Variants in MTMR8 observed in about 807,000 individuals in gnomAD.
MTMR8 encodes the protein myotubularin related protein 8.
In MTMR8, 65 loss-of-function variants were observed where a neutral mutation model predicts 39.3. The observed-to-expected ratio is 1.65, with a 90% CI of 1.35 to 2.03. MTMR8 has a LOEUF of 2.03. MTMR8 is among the 30% of genes most tolerant of loss of function. MTMR8 has a pLI of 0.00. For synonymous variants in MTMR8, 245 were observed against 185.2 expected, an observed-to-expected ratio of 1.32 and a Z score of -2.62; for missense variants, 777 against 538.9, an observed-to-expected ratio of 1.44 and a Z score of -4.37.
At chrX:64,392,590 G>T (rs186431563) in intron 1 of MTMR8, among the ~76,000 whole-genome samples, 13 of 111,125 alleles carry the variant, frequency 1.2e-4, no homozygotes, top group Admixed American at 1.9e-4. Context: ...TTTTTTGTTT[G>T]TTTGTTTGTT....
intron 1 of MTMR8, among the ~76,000 whole-genome samples, chrX:64,377,081 A>G (rs1924291994): frequency 8.9e-6 from 1 of 112,605 alleles, no homozygotes; most frequent in Admixed American, 9.3e-5. Context: ...GTTGAGGCCT[A>G]GGAGCCTCCA....
intron 12 of MTMR8, among the ~76,000 whole-genome samples, chrX:64,284,364 T>A (rs1352101031): frequency 8.9e-6 from 1 of 112,049 alleles, no homozygotes; most frequent in Admixed American, 9.5e-5. Context: ...TACCTGACAG[T>A]GACAGGGAGA....
chrX:64,359,922 G>GAA (rs202232811), intron 1 of MTMR8, among the ~76,000 whole-genome samples: 1,638 of 43,034 alleles, frequency 0.038, 54 homozygotes, highest in African/African-American at 0.086. Flanking sequence ...GGCAAGAATA[G>GAA]AAAAAAAAAA....
intron 12 of MTMR8, among the ~76,000 whole-genome samples, chrX:64,304,703 GT>G (rs1248668655): frequency 9.5e-6 from 1 of 105,735 alleles, no homozygotes. Flanking sequence ...TTCATGTAAA[GT>G]TTTCATTACA....
intron 1 of MTMR8, among the ~76,000 whole-genome samples, chrX:64,382,878 C>A (rs946186219): frequency 2.7e-5 from 3 of 111,285 alleles, no homozygotes; most frequent in Admixed American, 9.6e-5. Flanking sequence ...TGGTCCCACC[C>A]CTAGATATTC....
chrX:64,271,188 G>T, intron 12 of MTMR8, 115 bp from the exon 13 acceptor site: 1 of 740,326 alleles, frequency 1.4e-6, no homozygotes, highest in Non-Finnish European at 1.9e-6. Context: ...AATCTCATGA[G>T]TACTGTAATT....
At chrX:64,316,751 A>G (rs1027662944) in intron 12 of MTMR8, among the ~76,000 whole-genome samples, 3 of 111,557 alleles carry the variant, frequency 2.7e-5, no homozygotes, top group African/African-American at 9.8e-5. Flanking sequence ...TTCTGATGAG[A>G]AATCCACTGT....
intron 12 of MTMR8, among the ~76,000 whole-genome samples, chrX:64,314,577 G>A (rs1234606658): frequency 8.8e-6 from 1 of 113,229 alleles, no homozygotes; most frequent in Non-Finnish European, 1.9e-5. Flanking sequence ...TGCCTGCCAA[G>A]GCTCCAACTG....
chrX:64,320,751 T>G (rs753741580), intron 12 of MTMR8, among the ~76,000 whole-genome samples: 6 of 111,278 alleles, frequency 5.4e-5, no homozygotes, highest in Admixed American at 4.8e-4. Flanking sequence ...GTCAGACCTA[T>G]TCTCAGAAAA....
intron 12 of MTMR8, among the ~76,000 whole-genome samples, chrX:64,301,608 C>A (rs1371824266): frequency 8.9e-6 from 1 of 112,129 alleles, no homozygotes; most frequent in African/African-American, 3.2e-5. Flanking sequence ...AGCTTTGTTC[C>A]ATTGCTGGTG....
intron 12 of MTMR8, among the ~76,000 whole-genome samples, chrX:64,324,575 C>A (rs1922736788): frequency 9.1e-6 from 1 of 110,043 alleles, no homozygotes; most frequent in Non-Finnish European, 1.9e-5. Context: ...GTCCCAGATA[C>A]TCAGGGAGCT....
intron 12 of MTMR8, among the ~76,000 whole-genome samples, chrX:64,289,138 A>G (rs1921309477): frequency 1.8e-5 from 2 of 111,158 alleles, no homozygotes; most frequent in South Asian, 7.5e-4. Context: ...AGAAATTAAA[A>G]TGGACAAGAC....
intron 12 of MTMR8, among the ~76,000 whole-genome samples, chrX:64,297,490 C>G (rs1443838642): frequency 3.0e-4 from 26 of 85,827 alleles, no homozygotes; most frequent in African/African-American, 1.1e-3. Context: ...AGCCCTTTGT[C>G]AGATGAGTAG....
rs758074684 is a variant in MTMR8, at chrX:64,272,623, C to G, written c.1482-1550G>C. 5.4e-5 allele frequency among the ~76,000 whole-genome samples: 6 copies of G among 111,158 alleles called. No individual in the cohort carries two copies. The South Asian group carries it at 2.3e-3, about 42-fold the overall frequency. On this transcript the variant is annotated intron_variant, in intron 12 of 13. Coordinates refer to ENST00000374852, the MANE Select transcript of MTMR8 (RefSeq NM_017677.4). Reference sequence around the variant, plus strand: ...GAAATCTTATTTAAAGAAGTAATGACTGAAAACCCCCTAAATCTGAGGAAG... The same window carrying G: ...GAAATCTTATTTAAAGAAGTAATGAGTGAAAACCCCCTAAATCTGAGGAAG...
chrX:64,289,450 C>G (rs960417967), intron 12 of MTMR8, among the ~76,000 whole-genome samples: 1 of 109,162 alleles, frequency 9.2e-6, no homozygotes, highest in African/African-American at 3.4e-5. Context: ...GGAGCCTGAA[C>G]AACATAGCAA....
chrX:64,312,238 C>T (rs1922330937), intron 12 of MTMR8, among the ~76,000 whole-genome samples: 1 of 111,472 alleles, frequency 9.0e-6, no homozygotes, highest in African/African-American at 3.3e-5. Flanking sequence ...AAGCTGGATT[C>T]CTAGGTATTT....
At chrX:64,377,950 T>G (rs1569232286) in intron 1 of MTMR8, among the ~76,000 whole-genome samples, 1 of 111,496 alleles carries the variant, frequency 9.0e-6, no homozygotes, top group Non-Finnish European at 1.9e-5. Flanking sequence ...GAGATCTCAT[T>G]GTTTAAAAGT....
At chrX:64,280,021 A>G (rs1012307222) in intron 12 of MTMR8, among the ~76,000 whole-genome samples, 1 of 112,244 alleles carries the variant, frequency 8.9e-6, no homozygotes, top group African/African-American at 3.2e-5. Context: ...TATTGAATAG[A>G]CAAATAACAA....
chrX:64,325,561 T>C (rs1922767097), intron 12 of MTMR8, among the ~76,000 whole-genome samples: 1 of 112,010 alleles, frequency 8.9e-6, no homozygotes, highest in African/African-American at 3.2e-5. Flanking sequence ...TTTCAATAGA[T>C]GAAGAAAAGG....
Sources: allele counts gnomAD v4.1 joint callset (sites outside exome capture counted in the v4.1 genomes callset), GRCh38; gene constraint gnomAD v4.1.1; transcripts MANE v1.5; gene names NCBI Gene and HGNC (gene_info 2026-07-23, HGNC 2026-07-21).